DSTN: variants seen among roughly 807,000 people sequenced by gnomAD.
DSTN encodes the protein destrin.
DSTN carries 10 observed loss-of-function variants against 16.8 expected under a neutral mutation model. The observed-to-expected ratio is 0.60, with a 90% CI of 0.37 to 1.01. The LOEUF (loss-of-function observed/expected upper bound fraction) is 1.01. Among genes scored for constraint, DSTN ranks in the 50% least tolerant of loss-of-function variants. The pLI, the probability that DSTN is intolerant of heterozygous loss-of-function variation, is 0.01. For synonymous variants in DSTN, 57 were observed against 58.9 expected, an observed-to-expected ratio of 0.97 and a Z score of 0.14; for missense variants, 141 against 196.7, an observed-to-expected ratio of 0.72 and a Z score of 1.69.
chr20:17,609,775 ACT>A lies in DSTN; in HGVS notation c.*2632_*2633del, dbSNP rs1284502178. On this transcript the variant is annotated 3_prime_UTR_variant, in exon 4 of 4. Coordinates refer to ENST00000246069, the MANE Select transcript of DSTN (RefSeq NM_006870.4). ...TGGTCAGGAACAAAACTGCAAGTAT[ACT>A]CTGTTTCCAGAAAATACGTTTACCT... 2 of 152,226 alleles carry A rather than the reference ACT, an allele frequency of 1.3e-5. No individual in the cohort carries two copies. The highest frequency in any genetic ancestry group is 3.8e-4 in the East Asian group (2 of 5,198). 9.4% of individuals were successfully genotyped at this position (152,226 alleles called of 1,614,324 possible). A position where few individuals can be genotyped will look rare whatever the true frequency, so the allele number is the denominator to read the frequency against.
At chr20:17,604,072 C>A (rs1040973285) in intron 2 of DSTN, among the ~76,000 whole-genome samples, 1 of 152,080 alleles carries the variant, frequency 6.6e-6, no homozygotes, top group African/African-American at 2.4e-5. Flanking sequence ...AAAATATTAG[C>A]ATTTAATTCT....
At chr20:17,588,390 C>T (rs1022906704) in intron 1 of DSTN, among the ~76,000 whole-genome samples, 3 of 152,178 alleles carry the variant, frequency 2.0e-5, no homozygotes, top group African/African-American at 4.8e-5. Flanking sequence ...CAGTCTGTCA[C>T]ACAACCACCT....
intron 1 of DSTN, among the ~76,000 whole-genome samples, chr20:17,596,409 C>G (rs2035527217): frequency 6.6e-6 from 1 of 152,160 alleles, no homozygotes; most frequent in African/African-American, 2.4e-5. Context: ...CTTGCACAGT[C>G]TTCAGAGTGG....
In DSTN at chr20:17,570,139, A is replaced by G; in HGVS notation, c.-70A>G. On this transcript the variant is annotated 5_prime_UTR_variant, in exon 1 of 4. Coordinates refer to ENST00000246069, the MANE Select transcript of DSTN (RefSeq NM_006870.4). ...TGGGTCTCTCGGTCCCGCAGCCGTGAGGAGGACGGTCTGCATACTCGCTGC... is the reference window on the plus strand; with the variant it reads ...TGGGTCTCTCGGTCCCGCAGCCGTGGGGAGGACGGTCTGCATACTCGCTGC... 2 of 1,511,898 alleles carry G rather than the reference A, an allele frequency of 1.3e-6. No individual in the cohort carries two copies. The highest frequency in any genetic ancestry group is 8.8e-7 in the Non-Finnish European group (1 of 1,134,612). 93.7% of individuals were successfully genotyped at this position (1,511,898 alleles called of 1,614,324 possible). A position where few individuals can be genotyped will look rare whatever the true frequency, so the allele number is the denominator to read the frequency against.
chr20:17,592,290 G>A (rs955141906), intron 1 of DSTN, among the ~76,000 whole-genome samples: 1 of 151,926 alleles, frequency 6.6e-6, no homozygotes, highest in Non-Finnish European at 1.5e-5. Context: ...AGCTGGGTGT[G>A]GTGGCATGCA....
Position 17,607,232 on chromosome 20 carries a change from T to G in DSTN, c.*86T>G. On this transcript the variant is annotated 3_prime_UTR_variant, in exon 4 of 4. Transcript: ENST00000246069. ...TAAAGCAAATATATTTAGGCCAGGG[T>G]CTCACTGAGGGGGAGCTGTCTTGTC... is the stretch of plus-strand genomic sequence containing the variant. 3 of 1,255,096 alleles carry G rather than the reference T, an allele frequency of 2.4e-6. No individual in the cohort carries two copies. The highest frequency in any genetic ancestry group is 3.4e-6 in the Non-Finnish European group (3 of 890,980). The allele number at this position is 1,255,096 out of a possible 1,614,324, so 77.7% of individuals were successfully genotyped here.
rs555382753 is a variant in DSTN, at chr20:17,572,062, C to T, written c.3+1851C>T. 1.6e-3 allele frequency among the ~76,000 whole-genome samples: 244 copies of T among 152,312 alleles called. 7 individuals carry two copies. The highest frequency in any genetic ancestry group is 2.0e-3 in the Admixed American group (31 of 15,302). ...GATTAGAGAATATTGTGGGTATTAT[C>T]CCAGAGTCTAGCACTTTGCTTTTAG... On this transcript the variant is annotated intron_variant, in intron 1 of 3. Coordinates refer to ENST00000246069, the MANE Select transcript of DSTN (RefSeq NM_006870.4).
chr20:17,602,079 G>T (rs1307721033), intron 2 of DSTN, among the ~76,000 whole-genome samples: 1 of 152,058 alleles, frequency 6.6e-6, no homozygotes, highest in Admixed American at 6.5e-5. Context: ...GAGATGCAGA[G>T]GATTGTGGTT....
chr20:17,573,898 A>T (rs1407484792), intron 1 of DSTN, among the ~76,000 whole-genome samples: 7 of 32,110 alleles, frequency 2.2e-4, no homozygotes, highest in African/African-American at 4.0e-4. Context: ...TGTAGCAGTA[A>T]AAAAAAAAAA....
intron 1 of DSTN, among the ~76,000 whole-genome samples, chr20:17,570,955 A>G (rs951390368): frequency 2.0e-5 from 3 of 152,186 alleles, no homozygotes; most frequent in Non-Finnish European, 4.4e-5. Flanking sequence ...GGACTCTGCC[A>G]GAACTTGGTG....
chr20:17,573,635 CTCA>C (rs1384710248), intron 1 of DSTN, among the ~76,000 whole-genome samples: 1 of 152,106 alleles, frequency 6.6e-6, no homozygotes, highest in Admixed American at 6.6e-5. Context: ...CTGGTTGTAT[CTCA>C]TCATTAACAG....
intron 1 of DSTN, among the ~76,000 whole-genome samples, chr20:17,582,653 C>T (rs2035359505): frequency 6.6e-6 from 1 of 152,114 alleles, no homozygotes; most frequent in Admixed American, 6.5e-5. Flanking sequence ...TATCCGCATG[C>T]AAAAGAACGT....
chr20:17,583,735 C>CTTGTTTTTTTTTTT (rs2035372559), intron 1 of DSTN, among the ~76,000 whole-genome samples: 4 of 72,480 alleles, frequency 5.5e-5, no homozygotes, highest in Non-Finnish European at 9.4e-5. Context: ...TTTGGAGTTT[C>CTTGTTTTTTTTTTT]TTTTTTTTTT....
At chr20:17,599,888 T>A (rs2035568265) in intron 1 of DSTN, 1 of 152,242 alleles carries the variant, frequency 6.6e-6, no homozygotes, top group African/African-American at 2.4e-5. Flanking sequence ...TTGGGCTTTA[T>A]AATTCTTGCT....
intron 1 of DSTN, among the ~76,000 whole-genome samples, chr20:17,593,558 T>G (rs1383887138): frequency 6.6e-6 from 1 of 152,160 alleles, no homozygotes; most frequent in Non-Finnish European, 1.5e-5. Context: ...TGATACTGGT[T>G]TTGATGCAGA....
chr20:17,600,062 A>G (rs1042071004), intron 1 of DSTN, among the ~76,000 whole-genome samples: 3 of 152,248 alleles, frequency 2.0e-5, no homozygotes, highest in African/African-American at 7.2e-5. Context: ...AGCCCAGAAT[A>G]GCAAGTATAA....
intron 1 of DSTN, among the ~76,000 whole-genome samples, chr20:17,595,370 TC>T (rs1398782625): frequency 6.6e-6 from 1 of 152,120 alleles, no homozygotes; most frequent in Non-Finnish European, 1.5e-5. Flanking sequence ...GTATCTTCCT[TC>T]CACCTCAAAA....
chr20:17,586,337 C>G (rs2035408200), intron 1 of DSTN, among the ~76,000 whole-genome samples: 1 of 152,124 alleles, frequency 6.6e-6, no homozygotes, highest in South Asian at 2.1e-4. Context: ...CCTGTATATA[C>G]TAGGAAAAGG....
intron 1 of DSTN, among the ~76,000 whole-genome samples, chr20:17,589,144 ATCC>A (rs1347613796): frequency 6.6e-6 from 1 of 151,004 alleles, no homozygotes; most frequent in East Asian, 1.9e-4. Flanking sequence ...TTTCTTTTTA[ATCC>A]CATTTTTATA....
Sources: allele counts gnomAD v4.1 joint callset (sites outside exome capture counted in the v4.1 genomes callset), GRCh38; gene constraint gnomAD v4.1.1; transcripts MANE v1.5; gene names NCBI Gene and HGNC (gene_info 2026-07-23, HGNC 2026-07-21).